Variants in HEXB observed in about 807,000 individuals in gnomAD.
The protein encoded by HEXB is beta-hexosaminidase subunit beta.
A neutral mutation model predicts 71.2 loss-of-function variants in HEXB; 51 were observed. The observed-to-expected ratio is 0.72, with a 90% CI of 0.57 to 0.90. The LOEUF is 0.90. Ranked by LOEUF, HEXB falls within the 40% of genes least tolerant of loss-of-function variation. The probability of loss-of-function intolerance (pLI) is 0.00; values close to 1 mark genes in which losing one functional copy is unlikely to be tolerated. For synonymous variants in HEXB, 266 were observed against 249.3 expected (o/e 1.07, Z -0.63); for missense variants, 617 against 677.0 (o/e 0.91, Z 0.98).
intron 1 of HEXB, among the ~76,000 whole-genome samples, chr5:74,667,419 A>C (rs531835007): frequency 1.2e-3 from 176 of 151,108 alleles, no homozygotes; most frequent in Middle Eastern, 6.8e-3. Flanking sequence ...AACTCTCTCA[A>C]AAAAAAAAAT....
At chr5:74,665,550 G>A (rs1453606606) in intron 1 of HEXB, among the ~76,000 whole-genome samples, 1 of 151,682 alleles carries the variant, frequency 6.6e-6, no homozygotes, top group African/African-American at 2.4e-5. Context: ...AACCTACAAA[G>A]GACTATAAAA....
In HEXB at chr5:74,652,266, T is replaced by A. The variant is rs1748127167; in HGVS notation, c.-377+11708T>A. Among the ~76,000 whole-genome samples, 2 of 152,186 alleles carry A rather than the reference T, an allele frequency of 1.3e-5. No homozygotes were observed. Among genetic ancestry groups the A allele is most frequent in the Non-Finnish European group, 2.9e-5 (2 of 68,032 alleles). On this transcript the variant is annotated intron_variant, in intron 1 of 13. Transcript: ENST00000511181. This position sits in a 1 kb window ranked among gnomAD's most constrained non-coding sequence, Gnocchi z 5.4. ...TTTGCTCATGAGGAAACAGGGGCAA[T>A]GATGCGTTTGAACTTGTGCAAGAAT...
intron 6 of HEXB, among the ~76,000 whole-genome samples, chr5:74,711,088 T>A (rs199745615): frequency 1.4e-4 from 20 of 145,954 alleles, no homozygotes; most frequent in Admixed American, 2.1e-4. Context: ...AAAACAGAGA[T>A]ATAGATCAAT....
At chr5:74,693,603 C>T (rs1749048133) in intron 2 of HEXB, 36 bp from the exon 3 acceptor site, 1 of 1,450,516 alleles carries the variant, frequency 6.9e-7, no homozygotes. Context: ...GAGGGATTAA[C>T]AAAAGTGTGT....
chr5:74,658,650 T>C lies in HEXB; in HGVS notation c.-377+18092T>C, dbSNP rs111633463. On this transcript the variant is annotated intron_variant, in intron 1 of 13. Coordinates refer to the HEXB transcript ENST00000511181. Reference sequence around the variant, plus strand: ...CTTCCCTGGGTGGTAATATCCCTTATGTATTATCACTCTTGGGTACCAGGG... The same window carrying C: ...CTTCCCTGGGTGGTAATATCCCTTACGTATTATCACTCTTGGGTACCAGGG... Among the ~76,000 whole-genome samples, 1,058 of 152,272 alleles carry C rather than the reference T, an allele frequency of 6.9e-3. 18 individuals are homozygous for C. The highest frequency in any genetic ancestry group is 0.022 in the African/African-American group (925 of 41,558).
chr5:74,671,756 T>C (rs139779581), intron 1 of HEXB, among the ~76,000 whole-genome samples: 2 of 152,298 alleles, frequency 1.3e-5, no homozygotes, highest in African/African-American at 4.8e-5. Flanking sequence ...TTCTAATAGA[T>C]CTGGGCCAAA....
chr5:74,679,891 C>G (rs934710433), intron 1 of HEXB, among the ~76,000 whole-genome samples: 1 of 148,028 alleles, frequency 6.8e-6, no homozygotes, highest in African/African-American at 2.5e-5. Context: ...ATAGGAAACC[C>G]AAGTTGTAAT....
Position 74,641,823 on chromosome 5 carries a change from C to T in HEXB, c.-377+1265C>T, listed in dbSNP as rs1274947693. Reference sequence around the variant, plus strand: ...ATTTGGAGCTAAGTCTATAAATGAACGGGATAGATGACCGGTCCAGCCCCC... The same window carrying T: ...ATTTGGAGCTAAGTCTATAAATGAATGGGATAGATGACCGGTCCAGCCCCC... On this transcript the variant is annotated intron_variant, in intron 1 of 13. Transcript: ENST00000511181. This position sits in a 1 kb window ranked among gnomAD's most constrained non-coding sequence, Gnocchi z 4.1. Among the ~76,000 whole-genome samples the T allele has an allele frequency of 6.6e-6, 1 of 152,114 alleles. No homozygotes were observed. Among genetic ancestry groups the T allele is most frequent in the Non-Finnish European group, 1.5e-5 (1 of 68,016 alleles).
chr5:74,663,438 G>A (rs907477999), intron 1 of HEXB, among the ~76,000 whole-genome samples: 14 of 152,188 alleles, frequency 9.2e-5, no homozygotes, highest in African/African-American at 2.6e-4. Flanking sequence ...TGATCCACCC[G>A]CCTCGGCCTC....
rs2112180604 is a variant in HEXB, at chr5:74,718,829, A to G, written c.1275A>G (p.Lys425=). ...LAPGTIVEVW[K]DSAYPEELSR... is the part of the protein sequence containing the mutation. ...CGGGCACAATAGTTGAAGTATGGAA[A>G]GACAGCGCATATCCTGAGGAACTCA... is the stretch of plus-strand genomic sequence containing the variant. The change falls in exon 11 of 14, where the codon AAA becomes AAG. Residue 425 remains lysine (K), a synonymous_variant. Transcript: ENST00000261416. 1.2e-6 allele frequency: 2 copies of G among 1,614,194 alleles called. No homozygotes were observed. Among genetic ancestry groups the G allele is most frequent in the Admixed American group, 3.3e-5 (2 of 60,024 alleles).
chr5:74,645,426 C>T (rs1326151840), intron 1 of HEXB, among the ~76,000 whole-genome samples: 1 of 152,146 alleles, frequency 6.6e-6, no homozygotes, highest in East Asian at 1.9e-4. Context: ...CATATAAATA[C>T]AATTGACTTT....
At chr5:74,685,707 T>C in intron 1 of HEXB, 148 bp downstream of exon 1, 1 of 678,990 alleles carries the variant, frequency 1.5e-6, no homozygotes, top group Non-Finnish European at 2.3e-6. Context: ...CCACATGGAC[T>C]GAACCCACGC....
intron 1 of HEXB, among the ~76,000 whole-genome samples, chr5:74,676,558 G>C (rs1303968202): frequency 1.3e-5 from 2 of 152,166 alleles, no homozygotes; most frequent in Non-Finnish European, 2.9e-5. Flanking sequence ...CTTCAGCCAG[G>C]AGTTCAAGAC....
intron 6 of HEXB, 91 bp downstream of exon 6, chr5:74,705,411 A>G (rs1749363105): frequency 1.2e-6 from 1 of 804,560 alleles, no homozygotes; most frequent in Non-Finnish European, 2.2e-6. Context: ...TTATGGATAG[A>G]ATCAAAGTGT....
intron 1 of HEXB, among the ~76,000 whole-genome samples, chr5:74,679,957 C>T (rs1416888287): frequency 1.3e-5 from 2 of 152,132 alleles, no homozygotes; most frequent in Non-Finnish European, 2.9e-5. Context: ...GAGTACCTTT[C>T]AATCAGACAA....
chr5:74,704,651 G>T (rs1338425516), intron 5 of HEXB, among the ~76,000 whole-genome samples: 1 of 152,058 alleles, frequency 6.6e-6, no homozygotes, highest in Non-Finnish European at 1.5e-5. Flanking sequence ...CTACATATTG[G>T]GAATCTTGCT....
At chr5:74,672,829 G>A (rs998861972) in intron 1 of HEXB, among the ~76,000 whole-genome samples, 12 of 152,202 alleles carry the variant, frequency 7.9e-5, no homozygotes, top group African/African-American at 2.9e-4. Flanking sequence ...AAATCGTAGA[G>A]AGTGGAAGGA....
At chr5:74,714,974 T>C (rs1561226432) in intron 7 of HEXB, among the ~76,000 whole-genome samples, 1 of 151,642 alleles carries the variant, frequency 6.6e-6, no homozygotes, top group Non-Finnish European at 1.5e-5. Flanking sequence ...ACCAGGAGGG[T>C]GATAGTGGGA....
intron 1 of HEXB, among the ~76,000 whole-genome samples, chr5:74,650,957 A>G (rs1748095598): frequency 6.6e-6 from 1 of 151,968 alleles, no homozygotes; most frequent in Non-Finnish European, 1.5e-5. Flanking sequence ...GGCAACTGCA[A>G]AAATAAATGT....
Sources: allele counts gnomAD v4.1 joint callset (sites outside exome capture counted in the v4.1 genomes callset), GRCh38; gene constraint gnomAD v4.1.1; non-coding constraint Gnocchi (gnomAD v3.1); transcripts MANE v1.5; gene names NCBI Gene and HGNC (gene_info 2026-07-23, HGNC 2026-07-21).